The following UNC5C variants were observed in gnomAD, a reference collection of about 807,000 sequenced individuals.
UNC5C encodes the protein netrin receptor UNC5C.
Under a neutral mutation model 99.8 loss-of-function variants are expected in UNC5C, and 47 were observed. The observed-to-expected ratio is 0.47, with a 90% CI of 0.37 to 0.60. The LOEUF (loss-of-function observed/expected upper bound fraction) is 0.60. UNC5C is among the 20% of genes least tolerant of loss of function. The pLI is 0.00. For synonymous variants in UNC5C, 487 were observed against 452.2 expected (o/e 1.08, Z -0.98); for missense variants, 1,062 against 1,165.9 (o/e 0.91, Z 1.30).
intron 1 of UNC5C, among the ~76,000 whole-genome samples, chr4:95,437,884 C>A (rs1219852919): frequency 1.3e-5 from 2 of 152,014 alleles, no homozygotes; most frequent in Non-Finnish European, 2.9e-5. Context: ...TTTATCAGAG[C>A]CCAGGACTTC....
chr4:95,534,811 C>T (rs1722734207), intron 1 of UNC5C, among the ~76,000 whole-genome samples: 1 of 151,942 alleles, frequency 6.6e-6, no homozygotes, highest in Admixed American at 6.6e-5. Context: ...TATAATGTGT[C>T]CCCTCGCAAA....
intron 2 of UNC5C, among the ~76,000 whole-genome samples, chr4:95,308,929 C>G (rs1303615945): frequency 6.6e-6 from 1 of 151,986 alleles, no homozygotes; most frequent in East Asian, 1.9e-4. Context: ...ATTAGAAAAA[C>G]AATCTTAAAA....
rs184799278 is a variant in UNC5C, at chr4:95,229,516, G to A, written c.1109-9340C>T. ...TGTATATGTGCCACATTTTCTTTAA[G>A]CAGTCTATCATTGATGGGCATTTGG... On this transcript the variant is annotated intron_variant, in intron 7 of 15. Transcript: ENST00000453304. 3.9e-3 allele frequency among the ~76,000 whole-genome samples: 589 copies of A among 152,082 alleles called. 1 individual carries two copies. The highest frequency in any genetic ancestry group is 0.014 in the African/African-American group (572 of 41,488).
intron 4 of UNC5C, among the ~76,000 whole-genome samples, chr4:95,262,900 T>C (rs915185785): frequency 1.3e-5 from 2 of 152,032 alleles, no homozygotes; most frequent in African/African-American, 4.8e-5. Context: ...CCGCAACCTC[T>C]GCTTCCCGGG....
At chr4:95,199,746 G>A (rs913784320) in intron 12 of UNC5C, among the ~76,000 whole-genome samples, 31 of 152,194 alleles carry the variant, frequency 2.0e-4, no homozygotes, top group African/African-American at 7.2e-4. Context: ...TATGATGTAG[G>A]TCTTCTATGG....
At chr4:95,400,581 CG>C (rs1348527691) in intron 1 of UNC5C, among the ~76,000 whole-genome samples, 2 of 151,864 alleles carry the variant, frequency 1.3e-5, no homozygotes, top group Non-Finnish European at 2.9e-5. Flanking sequence ...TTAGTAGAGA[CG>C]GGGTTTCACC....
intron 4 of UNC5C, among the ~76,000 whole-genome samples, chr4:95,254,662 G>C (rs1312332950): frequency 6.6e-6 from 1 of 152,064 alleles, no homozygotes; most frequent in East Asian, 1.9e-4. Flanking sequence ...AGAACTTCAG[G>C]GGGTTATATC....
At chr4:95,332,060 GA>G (rs1469313824) in intron 2 of UNC5C, among the ~76,000 whole-genome samples, 2 of 152,030 alleles carry the variant, frequency 1.3e-5, no homozygotes, top group Admixed American at 6.6e-5. Context: ...ACTGCTCAAT[GA>G]AATAAAAGAG....
At chr4:95,318,473 T>A (rs769527816) in intron 2 of UNC5C, among the ~76,000 whole-genome samples, 1 of 152,220 alleles carries the variant, frequency 6.6e-6, no homozygotes, top group African/African-American at 2.4e-5. Flanking sequence ...TAAGGGCACT[T>A]ACTGTCCATT....
At chr4:95,411,507 C>A (rs1356993868) in intron 1 of UNC5C, among the ~76,000 whole-genome samples, 2 of 152,154 alleles carry the variant, frequency 1.3e-5, no homozygotes, top group Admixed American at 1.3e-4. Flanking sequence ...TAGTAACTCT[C>A]TGGTTTCCTG....
chr4:95,270,762 A>G (rs759478128), intron 4 of UNC5C, among the ~76,000 whole-genome samples: 18 of 152,272 alleles, frequency 1.2e-4, no homozygotes, highest in Admixed American at 3.9e-4. Flanking sequence ...TATATGTAAT[A>G]ACACCATCCA....
intron 9 of UNC5C, 112 bp downstream of exon 9, chr4:95,218,857 G>A: frequency 1.9e-6 from 2 of 1,061,258 alleles, no homozygotes; most frequent in Admixed American, 5.8e-5. Context: ...GGCTGGATAG[G>A]TCACATTTAA....
intron 1 of UNC5C, among the ~76,000 whole-genome samples, chr4:95,354,836 G>C (rs1744124012): frequency 6.6e-6 from 1 of 151,904 alleles, no homozygotes; most frequent in Non-Finnish European, 1.5e-5. Flanking sequence ...ACCTGTGCCA[G>C]TTTAGAACCA....
At chr4:95,361,584 C>G (rs1238397688) in intron 1 of UNC5C, among the ~76,000 whole-genome samples, 1 of 152,170 alleles carries the variant, frequency 6.6e-6, no homozygotes, top group East Asian at 1.9e-4. Context: ...CTCTCTAAAA[C>G]ACACAGTCCT....
chr4:95,248,684 A>C, intron 5 of UNC5C: 1 of 419,262 alleles, frequency 2.4e-6, no homozygotes, highest in Admixed American at 2.6e-5. Flanking sequence ...TAACTCCTTC[A>C]GTCCTATCAT....
chr4:95,172,537 A>G (rs1451201824), intron 14 of UNC5C, among the ~76,000 whole-genome samples: 1 of 152,000 alleles, frequency 6.6e-6, no homozygotes, highest in Non-Finnish European at 1.5e-5. Context: ...TTAGTCAAAG[A>G]TCAGATAGTT....
At chr4:95,499,972 G>A (rs1349983205) in intron 1 of UNC5C, among the ~76,000 whole-genome samples, 2 of 21,600 alleles carry the variant, frequency 9.3e-5, no homozygotes, top group Admixed American at 4.6e-4. Flanking sequence ...GTAGGCACAT[G>A]AGGATAATCC....
chr4:95,463,263 G>A (rs1747662518), intron 1 of UNC5C, among the ~76,000 whole-genome samples: 1 of 152,112 alleles, frequency 6.6e-6, no homozygotes, highest in Non-Finnish European at 1.5e-5. Context: ...CTGAATATGT[G>A]GACACATCCC....
rs1346401481 is a variant in UNC5C, at chr4:95,492,102, T to C, written c.124+56632A>G. 2.0e-5 allele frequency among the ~76,000 whole-genome samples: 3 copies of C among 151,450 alleles called. No individual in the cohort carries two copies. The East Asian group carries it at 5.9e-4, about 30-fold the overall frequency. ...TGAGGAAAAGAAATAGGGAGATGGA[T>C]GATAAAAATAAATCTCTAATATAAA... is the stretch of plus-strand genomic sequence containing the variant. On this transcript the variant is annotated intron_variant, in intron 1 of 15. Transcript: ENST00000453304.
Sources: allele counts gnomAD v4.1 joint callset (sites outside exome capture counted in the v4.1 genomes callset), GRCh38; gene constraint gnomAD v4.1.1; transcripts MANE v1.5; gene names NCBI Gene and HGNC (gene_info 2026-07-23, HGNC 2026-07-21).